Variants in CLVS1 observed in about 807,000 individuals in gnomAD.
CLVS1 encodes the protein clavesin-1.
In CLVS1, 10 loss-of-function variants were observed where a neutral mutation model predicts 33.1. The ratio of observed to expected loss-of-function variants is 0.30; its 90% CI spans 0.19 to 0.51. The LOEUF (loss-of-function observed/expected upper bound fraction) is 0.51, where lower values mean the gene tolerates loss of function less well. Ranked by LOEUF, CLVS1 falls within the 20% of genes least tolerant of loss-of-function variation. CLVS1 has a pLI of 0.97. For synonymous variants in CLVS1, 163 were observed against 166.1 expected, an observed-to-expected ratio of 0.98 and a Z score of 0.14; for missense variants, 343 against 433.4, an observed-to-expected ratio of 0.79 and a Z score of 1.85.
At chr8:61,432,730 G>C (rs1438343853) in intron 3 of CLVS1, among the ~76,000 whole-genome samples, 1 of 152,156 alleles carries the variant, frequency 6.6e-6, no homozygotes, top group Non-Finnish European at 1.5e-5. Flanking sequence ...TCTTATACTT[G>C]ACTCAGTAGT....
At chr8:61,209,222 G>A (rs1188242903) in intron 2 of CLVS1, among the ~76,000 whole-genome samples, 3 of 152,178 alleles carry the variant, frequency 2.0e-5, no homozygotes, top group Non-Finnish European at 4.4e-5. Context: ...GATGTGTAAG[G>A]CAGGCTCAGG....
chr8:61,486,717 T>C (rs1803898946), intron 5 of CLVS1, among the ~76,000 whole-genome samples: 1 of 152,168 alleles, frequency 6.6e-6, no homozygotes, highest in South Asian at 2.1e-4. Context: ...ATCACATTGC[T>C]GGAGACTCCT....
chr8:61,247,967 G>A (rs564204284), intron 2 of CLVS1, among the ~76,000 whole-genome samples: 1 of 152,288 alleles, frequency 6.6e-6, no homozygotes, highest in South Asian at 2.1e-4. Context: ...TGTATATGGT[G>A]TAAGGAAGGG....
At chr8:61,080,240 T>C (rs1804997314) in intron 1 of CLVS1, among the ~76,000 whole-genome samples, 1 of 152,236 alleles carries the variant, frequency 6.6e-6, no homozygotes, top group Non-Finnish European at 1.5e-5. Flanking sequence ...AAAAAAACAC[T>C]ATATATTACA....
intron 3 of CLVS1, among the ~76,000 whole-genome samples, chr8:61,381,565 G>GT (rs1291485226): frequency 6.6e-6 from 1 of 152,124 alleles, no homozygotes; most frequent in East Asian, 1.9e-4. Context: ...TCAATAGGTA[G>GT]TTTTTTGTTC....
the CLVS1 span, among the ~76,000 whole-genome samples, chr8:60,993,403 GA>G: frequency 6.6e-6 from 1 of 152,216 alleles, no homozygotes; most frequent in East Asian, 1.9e-4. Flanking sequence ...CAGACAGTGG[GA>G]AGGAAACCTG....
chr8:61,485,457 A>G (rs1167679979), intron 5 of CLVS1, among the ~76,000 whole-genome samples: 2 of 152,156 alleles, frequency 1.3e-5, no homozygotes, highest in Admixed American at 6.5e-5. Flanking sequence ...AGGTGCTAGA[A>G]AGGATGTGGA....
At chr8:61,010,221 T>C in the CLVS1 span, among the ~76,000 whole-genome samples, 3 of 152,334 alleles carry the variant, frequency 2.0e-5, no homozygotes, top group Admixed American at 6.5e-5. Flanking sequence ...GCCTTCTTCA[T>C]GTGACAGAAA....
intron 2 of CLVS1, among the ~76,000 whole-genome samples, chr8:61,272,129 T>C (rs1276711162): frequency 6.6e-6 from 1 of 151,650 alleles, no homozygotes; most frequent in Non-Finnish European, 1.5e-5. Context: ...CAGCGGCTGG[T>C]ACTGGTTGTT....
intron 1 of CLVS1, among the ~76,000 whole-genome samples, chr8:61,077,060 C>T (rs992694905): frequency 6.6e-6 from 1 of 152,038 alleles, no homozygotes; most frequent in African/African-American, 2.4e-5. Context: ...AGCTTAGAAA[C>T]CGTATGATCT....
intron 1 of CLVS1, among the ~76,000 whole-genome samples, chr8:61,289,150 TCA>T (rs1809884177): frequency 6.6e-6 from 1 of 152,238 alleles, no homozygotes; most frequent in African/African-American, 2.4e-5. Flanking sequence ...AAGGACTGGC[TCA>T]GATTTGGAAG....
At chr8:61,001,675 T>C in the CLVS1 span, among the ~76,000 whole-genome samples, 1 of 152,364 alleles carries the variant, frequency 6.6e-6, no homozygotes, top group East Asian at 1.9e-4. Flanking sequence ...AAGTGCAAAC[T>C]CCTTTGACTG....
chr8:61,301,830 G>A (rs1585772101), intron 2 of CLVS1, among the ~76,000 whole-genome samples: 1 of 152,140 alleles, frequency 6.6e-6, no homozygotes, highest in African/African-American at 2.4e-5. Context: ...CAGGTTCCTT[G>A]AGGGCAGGAG....
At position 61,369,097 on chromosome 8, in the gene CLVS1, T is replaced by C. The variant is rs189756231; in HGVS notation, c.456-7508T>C. On this transcript the variant is annotated intron_variant, in intron 2 of 5. Transcript: ENST00000325897. ...TCCTTCCTTTTTCTTCTTGAGAATA[T>C]GAGCCTCATCAAGTTATGTGAGATG... 2.2e-3 allele frequency among the ~76,000 whole-genome samples: 332 copies of C among 152,188 alleles called. 4 individuals carry two copies. Among genetic ancestry groups the C allele is most frequent in the African/African-American group, 6.6e-3 (276 of 41,532 alleles).
chr8:61,201,418 T>G (rs2129305026), intron 2 of CLVS1, among the ~76,000 whole-genome samples: 1 of 152,212 alleles, frequency 6.6e-6, no homozygotes, highest in Non-Finnish European at 1.5e-5. Flanking sequence ...CTCAGATCTG[T>G]CTACAAATCC....
chr8:61,290,979 T>C (rs924709612), intron 1 of CLVS1, among the ~76,000 whole-genome samples: 3 of 152,246 alleles, frequency 2.0e-5, no homozygotes, highest in Non-Finnish European at 2.9e-5. Flanking sequence ...TGTCTCTTTA[T>C]TGAAACTTAT....
At chr8:60,992,463 G>T in the CLVS1 span, among the ~76,000 whole-genome samples, 3 of 152,378 alleles carry the variant, frequency 2.0e-5, no homozygotes, top group East Asian at 5.8e-4. Flanking sequence ...CTGCTGGAAT[G>T]ATCAGAAAGA....
At chr8:61,083,151 C>T (rs75479094) in intron 1 of CLVS1, among the ~76,000 whole-genome samples, 1 of 152,066 alleles carries the variant, frequency 6.6e-6, no homozygotes, top group Non-Finnish European at 1.5e-5. Context: ...AAAGGAAGAT[C>T]ATTTGAGAAG....
At chr8:61,218,248 A>T (rs1247450620) in intron 2 of CLVS1, among the ~76,000 whole-genome samples, 1 of 152,194 alleles carries the variant, frequency 6.6e-6, no homozygotes, top group Admixed American at 6.5e-5. Flanking sequence ...TATGGAGTCA[A>T]CCTGGGTGTC....
Sources: gnomAD v4.1 joint callset for allele counts (sites outside exome capture counted in the v4.1 genomes callset) on GRCh38, gnomAD v4.1.1 for gene constraint, MANE v1.5 for transcripts, NCBI Gene and HGNC (gene_info 2026-07-23, HGNC 2026-07-21) for gene names.